COG5: variants seen among roughly 807,000 people sequenced by gnomAD.
The protein encoded by COG5 is conserved oligomeric Golgi complex subunit 5.
COG5 carries 86 observed loss-of-function variants against 110.4 expected under a neutral mutation model. The observed-to-expected ratio is 0.78, with a 90% CI of 0.65 to 0.93. COG5 has a LOEUF of 0.93. COG5 is among the 40% of genes least tolerant of loss of function. COG5 has a pLI of 0.00. For synonymous variants in COG5, 360 were observed against 334.6 expected (o/e 1.08, Z -0.83); for missense variants, 1,077 against 987.0 (o/e 1.09, Z -1.22).
intron 16 of COG5, among the ~76,000 whole-genome samples, chr7:107,250,127 C>T (rs1802381113): frequency 6.6e-6 from 1 of 152,038 alleles, no homozygotes; most frequent in Admixed American, 6.6e-5. Flanking sequence ...GGAGAGTAAA[C>T]TGGACAAATT....
intron 6 of COG5, among the ~76,000 whole-genome samples, chr7:107,499,500 G>T (rs1253169800): frequency 6.6e-6 from 1 of 151,496 alleles, no homozygotes; most frequent in Non-Finnish European, 1.5e-5. Context: ...CTGCCTCCCA[G>T]GTTCAAGCCA....
At chr7:107,496,060 T>A (rs970705542) in intron 6 of COG5, among the ~76,000 whole-genome samples, 3 of 151,818 alleles carry the variant, frequency 2.0e-5, no homozygotes, top group Non-Finnish European at 2.9e-5. Flanking sequence ...GAGATTACAG[T>A]CACATGCCAC....
At chr7:107,436,929 AAAG>A (rs1212358178) in intron 6 of COG5, among the ~76,000 whole-genome samples, 2 of 152,304 alleles carry the variant, frequency 1.3e-5, no homozygotes, top group South Asian at 4.1e-4. Context: ...TCGTCTTTTC[AAAG>A]AAGTCAATGT....
At chr7:107,365,272 G>A (rs1047960358) in intron 8 of COG5, among the ~76,000 whole-genome samples, 2 of 151,892 alleles carry the variant, frequency 1.3e-5, no homozygotes, top group Admixed American at 6.6e-5. Flanking sequence ...AGTTAGTGAC[G>A]GTGGAATAAA....
intron 6 of COG5, among the ~76,000 whole-genome samples, chr7:107,464,796 T>G (rs1796202693): frequency 6.6e-6 from 1 of 152,144 alleles, no homozygotes; most frequent in African/African-American, 2.4e-5. Context: ...AAATTCACCT[T>G]GCCCTCCAAG....
Position 107,474,176 on chromosome 7 carries a change from G to A in COG5, c.538+53061C>T. ...TACCAACCACTATCATATCCGTTAA[G>A]CTTTCAAGTGTCTCTCACCGGATTT... On this transcript the variant is annotated intron_variant, in intron 6 of 21. Coordinates refer to ENST00000297135, the MANE Select transcript of COG5 (RefSeq NM_006348.5). The surrounding 1 kb of genome is among the most constrained non-coding windows in gnomAD (Gnocchi z 5.7). 6.2e-7 allele frequency: 1 copy of A among 1,612,566 alleles called. No individual in the cohort carries two copies. Among genetic ancestry groups the A allele is most frequent in the East Asian group, 2.2e-5 (1 of 44,850 alleles).
intron 10 of COG5, among the ~76,000 whole-genome samples, chr7:107,334,967 T>C (rs1298293646): frequency 6.6e-6 from 1 of 152,208 alleles, no homozygotes; most frequent in Non-Finnish European, 1.5e-5. Context: ...CTGTTAGATA[T>C]ATCATATTGA....
chr7:107,368,233 A>T (rs1813805021), intron 8 of COG5, among the ~76,000 whole-genome samples: 1 of 152,268 alleles, frequency 6.6e-6, no homozygotes, highest in African/African-American at 2.4e-5. Context: ...AGAAGCATTA[A>T]TTGGAAATTC....
chr7:107,365,638 A>G (rs996220404), intron 8 of COG5, among the ~76,000 whole-genome samples: 7 of 151,224 alleles, frequency 4.6e-5, no homozygotes, highest in Non-Finnish European at 1.5e-5. Flanking sequence ...GCTGAAGGAA[A>G]ATCATAAGGA....
At chr7:107,358,114 G>GT (rs1812786256) in intron 10 of COG5, among the ~76,000 whole-genome samples, 1 of 152,104 alleles carries the variant, frequency 6.6e-6, no homozygotes, top group South Asian at 2.1e-4. Context: ...CTAAATAGCA[G>GT]TATTATTTAC....
intron 10 of COG5, among the ~76,000 whole-genome samples, chr7:107,340,193 T>A (rs1811058122): frequency 6.6e-6 from 1 of 151,944 alleles, no homozygotes; most frequent in Admixed American, 6.6e-5. Context: ...AAAGGCAACA[T>A]TACAACCGAT....
chr7:107,429,458 A>G (rs575077574), intron 6 of COG5, among the ~76,000 whole-genome samples: 118 of 147,636 alleles, frequency 8.0e-4, no homozygotes, highest in African/African-American at 2.8e-3. Flanking sequence ...GTCTTTGCCC[A>G]GTTTTTTTTT....
intron 5 of COG5, among the ~76,000 whole-genome samples, chr7:107,547,033 G>A (rs951454401): frequency 2.0e-5 from 3 of 152,012 alleles, no homozygotes; most frequent in Admixed American, 2.0e-4. Flanking sequence ...ATTTTATTAG[G>A]CCAATATTAC....
chr7:107,288,909 T>G (rs186991476), intron 12 of COG5, among the ~76,000 whole-genome samples: 280 of 2,872 alleles, frequency 0.097, 3 homozygotes, highest in East Asian at 0.36. Context: ...CTAACAGAGA[T>G]ATATATATAT....
At chr7:107,306,482 CTCATT>C (rs1807726264) in intron 11 of COG5, among the ~76,000 whole-genome samples, 1 of 152,078 alleles carries the variant, frequency 6.6e-6, no homozygotes, top group Non-Finnish European at 1.5e-5. Context: ...TCAGAGAAAT[CTCATT>C]TAAGATTAAC....
chr7:107,368,904 T>C (rs3823960), intron 8 of COG5, among the ~76,000 whole-genome samples: 23,786 of 152,248 alleles, frequency 0.16, 2,318 homozygotes, highest in Non-Finnish European at 0.22. Flanking sequence ...GAAGTTTCCT[T>C]GTACTCTCCT....
At chr7:107,209,664 C>G (rs1799023276) in intron 21 of COG5, 1 of 280,300 alleles carries the variant, frequency 3.6e-6, no homozygotes, top group Non-Finnish European at 5.4e-6. Flanking sequence ...GAAGTTAGAA[C>G]AGAAACAGAT....
At chr7:107,432,885 A>G (rs1794122487) in intron 6 of COG5, among the ~76,000 whole-genome samples, 2 of 152,174 alleles carry the variant, frequency 1.3e-5, no homozygotes. Flanking sequence ...AGGAAGAAGT[A>G]AAATTATCTC....
intron 10 of COG5, among the ~76,000 whole-genome samples, chr7:107,336,726 A>C (rs1810729897): frequency 6.6e-6 from 1 of 152,214 alleles, no homozygotes; most frequent in South Asian, 2.1e-4. Flanking sequence ...AAAGTCACTG[A>C]CAGGGTTTTT....
Sources: gnomAD v4.1 joint callset for allele counts (sites outside exome capture counted in the v4.1 genomes callset) on GRCh38, gnomAD v4.1.1 for gene constraint, Gnocchi (gnomAD v3.1) non-coding constraint, MANE v1.5 for transcripts, NCBI Gene and HGNC (gene_info 2026-07-23, HGNC 2026-07-21) for gene names.